Variants in KLF15 observed in about 807,000 individuals in gnomAD.
KLF15 encodes the protein Krueppel-like factor 15.
In KLF15, 4 loss-of-function variants were observed where a neutral mutation model predicts 24.6. The ratio of observed to expected loss-of-function variants is 0.16; its 90% CI spans 0.08 to 0.37. The LOEUF is 0.37. KLF15 is among the 10% of genes least tolerant of loss of function. The probability of loss-of-function intolerance (pLI) is 1.00; values close to 1 mark genes in which losing one functional copy is unlikely to be tolerated. For synonymous variants in KLF15, 246 were observed against 236.3 expected (o/e 1.04, Z -0.37); for missense variants, 496 against 560.6 (o/e 0.88, Z 1.16).
chr3:126,344,751 T>C (rs2082518455), intron 2 of KLF15, among the ~76,000 whole-genome samples: 1 of 152,244 alleles, frequency 6.6e-6, no homozygotes, highest in Non-Finnish European at 1.5e-5. Context: ...TGAAACCAGC[T>C]GTGCTGGAAG....
Position 126,343,263 on chromosome 3 carries a change from C to CCTGGACTT in KLF15, c.*456_*463dup, listed in dbSNP as rs929351563. 5.8e-6 allele frequency: 1 copy of CCTGGACTT among 172,970 alleles called. No homozygotes were observed. Among genetic ancestry groups the CCTGGACTT allele is most frequent in the African/African-American group, 2.4e-5 (1 of 40,878 alleles). The allele number at this position is 172,970 out of a possible 1,614,324, so 10.7% of individuals were successfully genotyped here. A position where few individuals can be genotyped will look rare whatever the true frequency, so the allele number is the denominator to read the frequency against. On this transcript the variant is annotated 3_prime_UTR_variant, in exon 3 of 3. Transcript: ENST00000296233. ...AGCCACCCTCACACCACAGTGCAGC[C>CCTGGACTT]CTGGACTTCTGGCCTACTTCCTTCT...
At chr3:126,328,259 T>C in the KLF15 span, among the ~76,000 whole-genome samples, 1 of 152,202 alleles carries the variant, frequency 6.6e-6, no homozygotes, top group Non-Finnish European at 1.5e-5. Flanking sequence ...ATGCTGTTAA[T>C]TCATTCCTTT....
chr3:126,337,800 C>T (rs1169908825), downstream of KLF15, among the ~76,000 whole-genome samples: 2 of 152,114 alleles, frequency 1.3e-5, no homozygotes, highest in African/African-American at 4.8e-5. Flanking sequence ...GAGGAAGGTA[C>T]TATTATTATC....
chr3:126,352,220 C>T lies in KLF15; in HGVS notation c.703G>A (p.Gly235Arg), dbSNP rs1234363156. ...PVPVKQESGT[G>R]PASPGQAPEN... ...GGGGCTTGCCCAGGGGAGGCAGGCCCTGTGCCCGATTCCTGCTTCACAGGC... is the reference window on the plus strand; with the variant it reads ...GGGGCTTGCCCAGGGGAGGCAGGCCTTGTGCCCGATTCCTGCTTCACAGGC... Residue 235 changes from glycine (G) to arginine (R), a missense_variant, in exon 2 of 3, where the codon GGG becomes AGG. Physicochemically the swap from Gly to Arg is moderately radical, Grantham distance 125. Around this residue, in one of 3 missense-constraint regions of KLF15, gnomAD observed 399 missense variants for 423.1 expected, o/e 0.94. Coordinates refer to ENST00000296233, the MANE Select transcript of KLF15 (RefSeq NM_014079.4). The T allele has an allele frequency of 5.8e-6, 9 of 1,539,436 alleles. No homozygotes were observed. The East Asian group carries it at 1.8e-4, about 31-fold the overall frequency.
In KLF15 at chr3:126,343,799, G is replaced by A; in HGVS notation, c.1179C>T (p.Ser393=). Reference sequence around the variant, plus strand: ...CCTTGATGTGCTTGGAGAGGTGGTCGCTCCGCGCGAACTTCTTCTCGCACA... The same window carrying A: ...CCTTGATGTGCTTGGAGAGGTGGTCACTCCGCGCGAACTTCTTCTCGCACA... ...CPVCEKKFAR[S]DHLSKHIKVH... is the part of the protein sequence containing the mutation. The change falls in exon 3 of 3, where the codon AGC becomes AGT. Residue 393 remains serine (S), a synonymous_variant. Coordinates refer to ENST00000296233, the MANE Select transcript of KLF15 (RefSeq NM_014079.4). 2 of 1,611,734 alleles carry A rather than the reference G, an allele frequency of 1.2e-6. No homozygotes were observed. The highest frequency in any genetic ancestry group is 2.2e-5 in the South Asian group (2 of 90,984).
chr3:126,333,438 G>C, the KLF15 span, among the ~76,000 whole-genome samples: 29 of 149,802 alleles, frequency 1.9e-4, no homozygotes, highest in Non-Finnish European at 3.7e-4. Context: ...ACATGGAAAG[G>C]AACAACCAGT....
At chr3:126,328,846 T>TCTTTTA in the KLF15 span, among the ~76,000 whole-genome samples, 1 of 152,260 alleles carries the variant, frequency 6.6e-6, no homozygotes, top group Non-Finnish European at 1.5e-5. Flanking sequence ...CATTTGCATG[T>TCTTTTA]CTTTTACTGT....
At chr3:126,351,713 C>A in intron 2 of KLF15, 128 bp downstream of exon 2, 1 of 1,099,126 alleles carries the variant, frequency 9.1e-7, no homozygotes, top group East Asian at 2.6e-5. Flanking sequence ...GGCCTGCACC[C>A]GCCTGCCCCT....
At chr3:126,308,586 T>C in the KLF15 span, among the ~76,000 whole-genome samples, 1 of 152,146 alleles carries the variant, frequency 6.6e-6, no homozygotes, top group South Asian at 2.1e-4. Context: ...TCTCTGTCTG[T>C]GGAAGTCATG....
chr3:126,300,336 C>G, the KLF15 span, among the ~76,000 whole-genome samples: 1 of 152,236 alleles, frequency 6.6e-6, no homozygotes, highest in Non-Finnish European at 1.5e-5. Context: ...CACCACCTCA[C>G]AGCTCAGGCT....
At chr3:126,326,953 G>C in the KLF15 span, among the ~76,000 whole-genome samples, 1 of 152,064 alleles carries the variant, frequency 6.6e-6, no homozygotes, top group African/African-American at 2.4e-5. Context: ...AAACATTCTT[G>C]AATACCCCTC....
In KLF15 at chr3:126,343,637, C is replaced by G. The variant is rs2082502259; in HGVS notation, c.*90G>C. ...GGTGGGCTGGTAACATTGCCATGTC[C>G]CTCTGGAGGAGGCAAATAAATTATT... On this transcript the variant is annotated 3_prime_UTR_variant, in exon 3 of 3. Coordinates refer to ENST00000296233, the MANE Select transcript of KLF15 (RefSeq NM_014079.4). The G allele has an allele frequency of 7.6e-7, 1 of 1,311,838 alleles. No individual in the cohort carries two copies. Among genetic ancestry groups the G allele is most frequent in the Admixed American group, 2.2e-5 (1 of 45,352 alleles). The allele number at this position is 1,311,838 out of a possible 1,614,324, so 81.3% of individuals were successfully genotyped here. A position where few individuals can be genotyped will look rare whatever the true frequency, so the allele number is the denominator to read the frequency against.
rs1183106011 is a variant in KLF15 at position 126,352,914 on chromosome 3, G to A, written c.9C>T (p.Asp3=). MV[D]HLLPVDENFS... is the part of the protein sequence containing the mutation. ...AGTTCTCGTCCACTGGAAGTAAGTG[G>A]TCCACCATGCTGGCCTGGCCGTGCC... The change falls in exon 2 of 3, where the codon GAC becomes GAT. Residue 3 remains aspartate, a synonymous_variant. Coordinates refer to ENST00000296233, the MANE Select transcript of KLF15 (RefSeq NM_014079.4). The A allele has an allele frequency of 1.2e-6, 2 of 1,604,852 alleles. No individual in the cohort carries two copies. The highest frequency in any genetic ancestry group is 4.5e-5 in the East Asian group (2 of 44,798).
chr3:126,326,675 G>A, the KLF15 span, among the ~76,000 whole-genome samples: 1 of 152,144 alleles, frequency 6.6e-6, no homozygotes, highest in African/African-American at 2.4e-5. Flanking sequence ...GGAAGGGCTA[G>A]GGAGAGAAGC....
the KLF15 span, among the ~76,000 whole-genome samples, chr3:126,319,861 G>A: frequency 6.6e-6 from 1 of 152,176 alleles, no homozygotes; most frequent in Non-Finnish European, 1.5e-5. Context: ...GCAGGGGAGG[G>A]GGAACTGGAG....
chr3:126,304,639 A>G, the KLF15 span, among the ~76,000 whole-genome samples: 6 of 152,364 alleles, frequency 3.9e-5, no homozygotes, highest in Non-Finnish European at 7.3e-5. Flanking sequence ...CGATTTCATC[A>G]TTCAGGAATC....
the KLF15 span, among the ~76,000 whole-genome samples, chr3:126,323,784 CT>C: frequency 6.8e-6 from 1 of 146,090 alleles, no homozygotes; most frequent in East Asian, 2.0e-4. Context: ...TAAGTCACGC[CT>C]GATAATCTCA....
chr3:126,296,458 T>C, the KLF15 span, among the ~76,000 whole-genome samples: 2 of 152,212 alleles, frequency 1.3e-5, no homozygotes, highest in Non-Finnish European at 2.9e-5. Context: ...CCACCCGCCT[T>C]GGCCTCCCAA....
At chr3:126,310,447 G>A in the KLF15 span, among the ~76,000 whole-genome samples, 1 of 152,152 alleles carries the variant, frequency 6.6e-6, no homozygotes, top group Non-Finnish European at 1.5e-5. Flanking sequence ...CGACATCACA[G>A]CCCCTACAAA....
Sources: allele counts gnomAD v4.1 joint callset (sites outside exome capture counted in the v4.1 genomes callset), GRCh38; gene constraint gnomAD v4.1.1; regional missense constraint gnomAD v4.1.1; transcripts MANE v1.5; gene names NCBI Gene and HGNC (gene_info 2026-07-23, HGNC 2026-07-21).